ZCCHC4: variants seen among roughly 807,000 people sequenced by gnomAD.
The protein encoded by ZCCHC4 is rRNA N(6)-adenosine-methyltransferase ZCCHC4.
ZCCHC4 carries 54 observed loss-of-function variants against 67.7 expected under a neutral mutation model. That is an observed-to-expected ratio of 0.80 (90% CI 0.64 to 1.00). The LOEUF is 1.00. Among genes scored for constraint, ZCCHC4 ranks in the 50% least tolerant of loss-of-function variants. The pLI is 0.00. For missense variants in ZCCHC4, 609 were observed against 617.0 expected, an observed-to-expected ratio of 0.99 and a Z score of 0.14; for synonymous variants, 198 against 213.5, an observed-to-expected ratio of 0.93 and a Z score of 0.63.
At chr4:25,328,608 A>T (rs1044173502) in intron 3 of ZCCHC4, among the ~76,000 whole-genome samples, 1 of 145,266 alleles carries the variant, frequency 6.9e-6, no homozygotes, top group Non-Finnish European at 1.5e-5. Context: ...TAGAGAAAGG[A>T]TCTTGCTCTG....
intron 8 of ZCCHC4, among the ~76,000 whole-genome samples, chr4:25,356,741 C>T (rs375189063): frequency 2.9e-4 from 44 of 151,620 alleles, no homozygotes; most frequent in South Asian, 1.0e-3. Context: ...AATAAGGTAC[C>T]GTATATTTAT....
chr4:25,355,325 A>G (rs938447975), intron 8 of ZCCHC4, among the ~76,000 whole-genome samples: 1 of 152,234 alleles, frequency 6.6e-6, no homozygotes, highest in African/African-American at 2.4e-5. Context: ...GAGATGGTAG[A>G]TAAGTTTCTC....
chr4:25,361,676 C>T, intron 8 of ZCCHC4, 183 bp from the exon 9 acceptor site: 1 of 586,530 alleles, frequency 1.7e-6, no homozygotes, highest in East Asian at 3.0e-5. Flanking sequence ...AGTGTTATTC[C>T]AGCTACCCAC....
rs767524442 is a variant in ZCCHC4, at chr4:25,349,564, C to G, written c.832C>G (p.Pro278Ala). The G allele has an allele frequency of 6.8e-6, 11 of 1,613,902 alleles. No individual in the cohort carries two copies. In the African/African-American group the frequency reaches 1.3e-4, roughly 20 times the overall value. Residue 278 changes from proline to alanine, a missense_variant, in exon 7 of 13, where the codon CCG (proline) becomes GCG (alanine). Coordinates refer to ENST00000302874, the MANE Select transcript of ZCCHC4 (RefSeq NM_024936.3). The stretch of plus-strand genomic sequence containing the variant: ...AGGAATCATTATGGTGACGGATCCT[C>G]CGTTTGGTGGCTTGGTTGAACCTCT... ...GEGIIMVTDP[P>A]FGGLVEPLAI...
At chr4:25,367,312 T>C (rs1370109028) in intron 12 of ZCCHC4, among the ~76,000 whole-genome samples, 2 of 152,198 alleles carry the variant, frequency 1.3e-5, no homozygotes, top group African/African-American at 4.8e-5. Flanking sequence ...AACTGACTTA[T>C]AGTCAGTTCA....
chr4:25,347,560 T>C (rs557518628), intron 6 of ZCCHC4, among the ~76,000 whole-genome samples: 5 of 152,340 alleles, frequency 3.3e-5, no homozygotes, highest in African/African-American at 1.2e-4. Context: ...GATTTTACTA[T>C]CTGCCCTTTT....
chr4:25,361,415 A>G (rs1720730630), intron 8 of ZCCHC4, among the ~76,000 whole-genome samples: 1 of 152,228 alleles, frequency 6.6e-6, no homozygotes, highest in Non-Finnish European at 1.5e-5. Flanking sequence ...CTGGCACAGC[A>G]TGACTTAGCA....
chr4:25,344,008 C>T (rs931665192), intron 5 of ZCCHC4, among the ~76,000 whole-genome samples: 3 of 152,052 alleles, frequency 2.0e-5, no homozygotes, highest in African/African-American at 7.2e-5. Flanking sequence ...AAAAAGGTTT[C>T]TATATTATAT....
Position 25,363,917 on chromosome 4 carries a change from G to A in ZCCHC4, c.1210-537G>A, listed in dbSNP as rs1303855153. Among the ~76,000 whole-genome samples the A allele has an allele frequency of 2.0e-5, 3 of 152,240 alleles. No homozygotes were observed. The East Asian group carries it at 5.8e-4, about 29-fold the overall frequency. Reference sequence around the variant, plus strand: ...GCATGGGGCAGTTTCCAGAGGGCTGGTGGTATTTTTTCTTGACCTGGTGGG... The same window carrying A: ...GCATGGGGCAGTTTCCAGAGGGCTGATGGTATTTTTTCTTGACCTGGTGGG... On this transcript the variant is annotated intron_variant, in intron 10 of 12. Transcript: ENST00000302874.
rs189258861 is a variant in ZCCHC4 at position 25,339,046 on chromosome 4, C to T, written c.686+5058C>T. Among the ~76,000 whole-genome samples the T allele has an allele frequency of 1.3e-3, 199 of 152,308 alleles. 2 individuals carry two copies. Among genetic ancestry groups the T allele is most frequent in the African/African-American group, 4.5e-3 (185 of 41,562 alleles). Reference sequence around the variant, plus strand: ...AGGTTTGGTTTCTCCTGAGGCCTCTCTCTGTGGCATGCAGATGGTCACTGT... The same window carrying T: ...AGGTTTGGTTTCTCCTGAGGCCTCTTTCTGTGGCATGCAGATGGTCACTGT... On this transcript the variant is annotated intron_variant, in intron 5 of 12. Coordinates refer to ENST00000302874, the MANE Select transcript of ZCCHC4 (RefSeq NM_024936.3).
intron 3 of ZCCHC4, among the ~76,000 whole-genome samples, chr4:25,315,752 T>C (rs1018356957): frequency 1.3e-5 from 2 of 150,878 alleles, no homozygotes; most frequent in African/African-American, 4.9e-5. Flanking sequence ...CACTCTGTGT[T>C]GCCCAGGCTG....
Position 25,338,603 on chromosome 4 carries a change from T to C in ZCCHC4, c.686+4615T>C, listed in dbSNP as rs142174984. ...TGAATCTACTTTCTATCTTTATGGA[T>C]ATGCTTTGCCTATTCTAGATATTTT... On this transcript the variant is annotated intron_variant, in intron 5 of 12. Transcript: ENST00000302874. Among the ~76,000 whole-genome samples, 1,493 of 152,308 alleles carry C rather than the reference T, an allele frequency of 9.8e-3. 37 individuals are homozygous for C. The highest frequency in any genetic ancestry group is 0.034 in the African/African-American group (1,394 of 41,562).
Position 25,369,357 on chromosome 4 carries a change from C to T in ZCCHC4, c.*193C>T. ...CTGGAGACATGGGGAGTTGTTCCAT[C>T]TTCAGCCAGTTTACTAGTTCTTTCA... On this transcript the variant is annotated 3_prime_UTR_variant, in exon 13 of 13. Transcript: ENST00000302874. The T allele has an allele frequency of 1.6e-6, 1 of 619,018 alleles. No homozygotes were observed. The allele number at this position is 619,018 out of a possible 1,614,324, so 38.3% of individuals were successfully genotyped here. A position where few individuals can be genotyped will look rare whatever the true frequency, so the allele number is the denominator to read the frequency against.
At chr4:25,318,701 TA>T (rs1215067748) in intron 3 of ZCCHC4, among the ~76,000 whole-genome samples, 1 of 152,156 alleles carries the variant, frequency 6.6e-6, no homozygotes, top group African/African-American at 2.4e-5. Context: ...ATTTTTTTGA[TA>T]AAAATTTTTT....
At chr4:25,364,950 T>C (rs997344365) in intron 11 of ZCCHC4, 72 bp from the exon 12 acceptor site, 5 of 1,592,514 alleles carry the variant, frequency 3.1e-6, no homozygotes, top group South Asian at 1.1e-5. Flanking sequence ...TCGTATATCC[T>C]ACCTTAAAAG....
At chr4:25,333,605 G>A in intron 4 of ZCCHC4, 147 bp downstream of exon 4, 1 of 874,546 alleles carries the variant, frequency 1.1e-6, no homozygotes, top group Non-Finnish European at 1.7e-6. Context: ...CTCTTAAGGA[G>A]TTTGCAACCT....
intron 5 of ZCCHC4, among the ~76,000 whole-genome samples, chr4:25,335,663 G>A (rs1719423335): frequency 6.6e-6 from 1 of 152,184 alleles, no homozygotes; most frequent in East Asian, 1.9e-4. Flanking sequence ...CGGAGGCTGA[G>A]GTCAGAGGAT....
At position 25,359,963 on chromosome 4, in the gene ZCCHC4, C is replaced by T. The variant is rs1345142435; in HGVS notation, c.1012-1896C>T. Reference sequence around the variant, plus strand: ...TGGTAGACACCAGCGCAGATACATTCTGGGGTTGGATATTTTACATGACTT... The same window carrying T: ...TGGTAGACACCAGCGCAGATACATTTTGGGGTTGGATATTTTACATGACTT... On this transcript the variant is annotated intron_variant, in intron 8 of 12. Transcript: ENST00000302874. This position sits in a 1 kb window ranked among gnomAD's most constrained non-coding sequence, Gnocchi z 4.9. Among the ~76,000 whole-genome samples the T allele has an allele frequency of 6.6e-6, 1 of 152,218 alleles. No individual in the cohort carries two copies. The highest frequency in any genetic ancestry group is 2.4e-5 in the African/African-American group (1 of 41,456).
intron 3 of ZCCHC4, among the ~76,000 whole-genome samples, chr4:25,321,164 C>T (rs1718562302): frequency 6.6e-6 from 1 of 151,868 alleles, no homozygotes; most frequent in Non-Finnish European, 1.5e-5. Flanking sequence ...TCTTTCTTTT[C>T]TCTGTCTGTC....
Sources: gnomAD v4.1 joint callset for allele counts (sites outside exome capture counted in the v4.1 genomes callset) on GRCh38, gnomAD v4.1.1 for gene constraint, Gnocchi (gnomAD v3.1) non-coding constraint, MANE v1.5 for transcripts, NCBI Gene and HGNC (gene_info 2026-07-23, HGNC 2026-07-21) for gene names.